The following TMX3 variants were observed in gnomAD, a reference collection of about 807,000 sequenced individuals.
TMX3 encodes the protein thioredoxin related transmembrane protein 3, also known as protein disulfide-isomerase TMX3.
In TMX3, 40 loss-of-function variants were observed where a neutral mutation model predicts 64.4. That is an observed-to-expected ratio of 0.62 (90% CI 0.48 to 0.81). The LOEUF is 0.81. Among genes scored for constraint, TMX3 ranks in the 30% least tolerant of loss-of-function variants. TMX3 has a pLI of 0.00. For synonymous variants in TMX3, 189 were observed against 175.7 expected, an observed-to-expected ratio of 1.08 and a Z score of -0.60; for missense variants, 497 against 534.5, an observed-to-expected ratio of 0.93 and a Z score of 0.69.
Position 68,684,231 on chromosome 18 carries a change from A to T in TMX3, c.807T>A (p.Ile269=). 1 of 1,611,798 alleles carries T rather than the reference A, an allele frequency of 6.2e-7. No individual in the cohort carries two copies. Among genetic ancestry groups the T allele is most frequent in the Middle Eastern group, 1.7e-4 (1 of 6,046 alleles). ...TGTAATCTCTTGCAACTTCCTGAAT[A>T]ATTGACTTCAATCTGTAGAAGAACA... ...TSVEHTRLKS[I]IQEVARDYRD... Residue 269 remains isoleucine, a synonymous_variant, in exon 12 of 16, where the codon ATT becomes ATA. Coordinates refer to ENST00000299608, the MANE Select transcript of TMX3 (RefSeq NM_019022.5).
chr18:68,691,258 TA>T, intron 9 of TMX3, 36 bp downstream of exon 9: 1 of 1,426,374 alleles, frequency 7.0e-7, no homozygotes, highest in South Asian at 1.3e-5. Flanking sequence ...ATTTTAATTT[TA>T]AAATGTTTTA....
At chr18:68,697,911 T>C (rs973913650) in intron 7 of TMX3, 21 bp downstream of exon 7, 5 of 1,496,204 alleles carry the variant, frequency 3.3e-6, no homozygotes, top group East Asian at 2.3e-5. Flanking sequence ...TCTGTTTTTG[T>C]GGATTAAAAA....
At chr18:68,687,378 A>G in intron 10 of TMX3, 1 of 985,398 alleles carries the variant, frequency 1.0e-6, no homozygotes, top group Non-Finnish European at 1.2e-6. Context: ...AGTTCTGAGT[A>G]CAGCTTCTTA....
chr18:68,713,452 A>T (rs576061240), intron 2 of TMX3, among the ~76,000 whole-genome samples: 2 of 152,356 alleles, frequency 1.3e-5, no homozygotes, highest in South Asian at 4.1e-4. Context: ...TCTATGGTCA[A>T]GCCTGAAAGA....
intron 11 of TMX3, 75 bp downstream of exon 11, chr18:68,684,353 C>G (rs1403016597): frequency 6.6e-7 from 1 of 1,506,648 alleles, no homozygotes; most frequent in African/African-American, 1.4e-5. Context: ...AAGTAAGATA[C>G]CATATCAAGT....
intron 14 of TMX3, 37 bp from the exon 15 acceptor site, chr18:68,679,568 A>G: frequency 6.4e-7 from 1 of 1,566,266 alleles, no homozygotes; most frequent in Non-Finnish European, 8.7e-7. Flanking sequence ...TTATTTAAGC[A>G]CCATTACTTC....
In TMX3 at chr18:68,677,152, A is replaced by G. The variant is rs745485877; in HGVS notation, c.1146T>C (p.Phe382=). The G allele has an allele frequency of 6.2e-7, 1 of 1,613,746 alleles. No homozygotes were observed. The highest frequency in any genetic ancestry group is 8.5e-7 in the Non-Finnish European group (1 of 1,179,714). The change falls in exon 16 of 16, where the codon TTT becomes TTC. Residue 382 remains phenylalanine, a synonymous_variant. Coordinates refer to ENST00000299608, the MANE Select transcript of TMX3 (RefSeq NM_019022.5). ...KSSPLMGCFL[F]GLPLGVISIM... is the part of the protein sequence containing the mutation. ...TACTGATGACACCCAGTGGCAGGCC[A>G]AAGAGAAAGCAGCCCATCAGTGGTG...
In TMX3 at chr18:68,676,750, T is replaced by C. The variant is rs1298799195; in HGVS notation, c.*183A>G. The C allele has an allele frequency of 4.3e-6, 3 of 695,754 alleles. No individual in the cohort carries two copies. Among genetic ancestry groups the C allele is most frequent in the African/African-American group, 1.8e-5 (1 of 55,502 alleles). The allele number at this position is 695,754 out of a possible 1,614,324, so 43.1% of individuals were successfully genotyped here. A position where few individuals can be genotyped will look rare whatever the true frequency, so the allele number is the denominator to read the frequency against. On this transcript the variant is annotated 3_prime_UTR_variant, in exon 16 of 16. Transcript: ENST00000299608. ...CTCTGTGTTTGTTTCAGACAAACTG[T>C]TCATCTCTTTGCTCCAAACACTTCC...
In TMX3 at chr18:68,692,325, C is replaced by G. The variant is rs117777527; in HGVS notation, c.571-964G>C. The stretch of plus-strand genomic sequence containing the variant: ...AGTTCTTACTAGAACACAAATGATA[C>G]AGTCTCAAATCTTGCAGCCATCTAG... On this transcript the variant is annotated intron_variant, in intron 8 of 15. Transcript: ENST00000299608. 9.8e-3 allele frequency among the ~76,000 whole-genome samples: 1,489 copies of G among 152,230 alleles called. 29 individuals carry two copies. The highest frequency in any genetic ancestry group is 0.055 in the East Asian group (283 of 5,160).
intron 8 of TMX3, among the ~76,000 whole-genome samples, chr18:68,693,500 C>G (rs1399959010): frequency 6.6e-6 from 1 of 151,928 alleles, no homozygotes; most frequent in African/African-American, 2.4e-5. Context: ...GCTCCTGGCG[C>G]CTGCTCTGAT....
intron 4 of TMX3, among the ~76,000 whole-genome samples, chr18:68,707,993 A>G (rs1039335672): frequency 6.7e-6 from 1 of 149,120 alleles, no homozygotes; most frequent in African/African-American, 2.6e-5. Context: ...ATGTGTATAT[A>G]TGTGTATATA....
Position 68,698,877 on chromosome 18 carries a change from C to CCAGGCGTGGTAG in TMX3, c.393-847_393-846insCTACCACGCCTG, listed in dbSNP as rs1555688713. Among the ~76,000 whole-genome samples the CCAGGCGTGGTAG allele has an allele frequency of 2.3e-3, 72 of 31,660 alleles. 1 individual carries two copies. In the Middle Eastern group the frequency reaches 0.096, roughly 42 times the overall value. The allele number at this position is 31,660 out of a possible 152,430, so 20.8% of individuals were successfully genotyped here. On this transcript the variant is annotated intron_variant, in intron 6 of 15. Transcript: ENST00000299608. ...TAAAAATACAAAAAAAAAAAATTAGCCGGGCGTGGTAGCGGGCGCCTGTAG... is the reference window on the plus strand; with the variant it reads ...TAAAAATACAAAAAAAAAAAATTAGCCAGGCGTGGTAGCGGGCGTGGTAGCGGGCGCCTGTAG...
chr18:68,697,822 T>C (rs1599324216), intron 7 of TMX3, 110 bp downstream of exon 7: 1 of 632,874 alleles, frequency 1.6e-6, no homozygotes, highest in Non-Finnish European at 2.7e-6. Flanking sequence ...TGAATGAAAA[T>C]ATTTCCAGTA....
rs376675449 is a variant in TMX3 at position 68,715,020 on chromosome 18, G to A, written c.-39C>T. ...AGCTGCAGAAGCTGACTGTGCAAAA[G>A]AGGGATAAAGACACTGGGGTCCGCC... On this transcript the variant is annotated 5_prime_UTR_variant, in exon 1 of 16. Transcript: ENST00000299608. 19 of 1,555,316 alleles carry A rather than the reference G, an allele frequency of 1.2e-5. No individual in the cohort carries two copies. Among genetic ancestry groups the A allele is most frequent in the East Asian group, 1.2e-4 (5 of 41,006 alleles).
At chr18:68,709,011 C>T (rs192431080) in intron 4 of TMX3, among the ~76,000 whole-genome samples, 9 of 152,142 alleles carry the variant, frequency 5.9e-5, no homozygotes, top group East Asian at 1.9e-4. Flanking sequence ...TTTCCTAAAA[C>T]GAAATATACA....
chr18:68,700,508 A>G, intron 5 of TMX3, 23 bp from the exon 6 acceptor site: 3 of 1,441,278 alleles, frequency 2.1e-6, no homozygotes, highest in Non-Finnish European at 2.8e-6. Flanking sequence ...AAAAAAATTA[A>G]AACCTGGATT....
At chr18:68,688,149 C>T (rs1914146606) in intron 9 of TMX3, among the ~76,000 whole-genome samples, 1 of 152,050 alleles carries the variant, frequency 6.6e-6, no homozygotes, top group Non-Finnish European at 1.5e-5. Context: ...ATAACTGTAA[C>T]TTCGTAAAAG....
At chr18:68,687,569 A>G in intron 10 of TMX3, 98 bp downstream of exon 10, 3 of 1,512,238 alleles carry the variant, frequency 2.0e-6, no homozygotes, top group South Asian at 1.3e-5. Context: ...AATTAAGTTG[A>G]GAAATAGAGC....
intron 8 of TMX3, among the ~76,000 whole-genome samples, chr18:68,694,094 C>G (rs148586366): frequency 4.6e-4 from 70 of 152,256 alleles, no homozygotes; most frequent in African/African-American, 1.6e-3. Context: ...CCTCATTCTT[C>G]CTGGATGCGG....
Sources: allele counts gnomAD v4.1 joint callset (sites outside exome capture counted in the v4.1 genomes callset), GRCh38; gene constraint gnomAD v4.1.1; transcripts MANE v1.5; gene names NCBI Gene and HGNC (gene_info 2026-07-23, HGNC 2026-07-21).